IGF2BP2: variants seen among roughly 807,000 people sequenced by gnomAD.
IGF2BP2 encodes insulin like growth factor 2 mRNA binding protein 2.
Under a neutral mutation model 75.8 loss-of-function variants are expected in IGF2BP2, and 17 were observed. The ratio of observed to expected loss-of-function variants is 0.22; its 90% CI spans 0.15 to 0.34. The LOEUF (loss-of-function observed/expected upper bound fraction) is 0.34. IGF2BP2 is among the 10% of genes least tolerant of loss of function. The probability of loss-of-function intolerance (pLI) is 1.00; values close to 1 mark genes in which losing one functional copy is unlikely to be tolerated. For missense variants in IGF2BP2, 516 were observed against 772.4 expected (o/e 0.67, Z 3.93); for synonymous variants, 288 against 295.6 (o/e 0.97, Z 0.26).
chr3:185,805,803 C>G (rs561316953), intron 2 of IGF2BP2, among the ~76,000 whole-genome samples: 14 of 147,986 alleles, frequency 9.5e-5, no homozygotes, highest in Admixed American at 4.7e-4. Context: ...CGGAGCTTCA[C>G]TCTTGTCACC....
chr3:185,704,954 T>G (rs1723809313), intron 2 of IGF2BP2, among the ~76,000 whole-genome samples: 1 of 152,356 alleles, frequency 6.6e-6, no homozygotes, highest in African/African-American at 2.4e-5. Context: ...AAATAAACTG[T>G]TGAAAATGAA....
intron 2 of IGF2BP2, among the ~76,000 whole-genome samples, chr3:185,818,915 A>G (rs1740965342): frequency 6.6e-6 from 1 of 152,168 alleles, no homozygotes; most frequent in South Asian, 2.1e-4. Context: ...AAAAAACACA[A>G]AAACCATGTG....
intron 3 of IGF2BP2, among the ~76,000 whole-genome samples, chr3:185,696,995 C>T (rs1187321135): frequency 6.6e-6 from 1 of 152,238 alleles, no homozygotes; most frequent in Non-Finnish European, 1.5e-5. Flanking sequence ...ACAAGACTCA[C>T]TCCACTTTCT....
intron 2 of IGF2BP2, among the ~76,000 whole-genome samples, chr3:185,807,776 T>C (rs960411095): frequency 2.0e-5 from 3 of 152,244 alleles, no homozygotes; most frequent in South Asian, 2.1e-4. Flanking sequence ...GGGAAGACTA[T>C]TGTCATGCTG....
chr3:185,751,597 A>T (rs1222104214), intron 2 of IGF2BP2, among the ~76,000 whole-genome samples: 1 of 151,444 alleles, frequency 6.6e-6, no homozygotes, highest in Non-Finnish European at 1.5e-5. Context: ...GTAAGCCAAG[A>T]TCACGCCATC....
intron 12 of IGF2BP2, 32 bp from the exon 13 acceptor site, chr3:185,652,200 C>T: frequency 1.9e-6 from 3 of 1,572,534 alleles, no homozygotes; most frequent in Non-Finnish European, 2.6e-6. Context: ...AACGCTGATG[C>T]TCGGCTGCAT....
At chr3:185,803,781 A>C (rs1738599421) in intron 2 of IGF2BP2, among the ~76,000 whole-genome samples, 1 of 152,236 alleles carries the variant, frequency 6.6e-6, no homozygotes, top group Non-Finnish European at 1.5e-5. Context: ...GTACTCATTC[A>C]ACAAAGGAAT....
chr3:185,690,869 C>T (rs978181681), intron 5 of IGF2BP2, among the ~76,000 whole-genome samples: 1 of 152,170 alleles, frequency 6.6e-6, no homozygotes, highest in Non-Finnish European at 1.5e-5. Context: ...ATCCTTTTCA[C>T]ATATTTTTAG....
intron 1 of IGF2BP2, among the ~76,000 whole-genome samples, chr3:185,823,890 TCTC>T (rs1460087691): frequency 6.6e-6 from 1 of 150,788 alleles, no homozygotes; most frequent in East Asian, 2.0e-4. Flanking sequence ...TCGCTCTCCG[TCTC>T]CTGTCTGGGC....
intron 7 of IGF2BP2, among the ~76,000 whole-genome samples, chr3:185,682,401 C>G (rs1720516522): frequency 6.6e-6 from 1 of 152,182 alleles, no homozygotes; most frequent in Admixed American, 6.6e-5. Flanking sequence ...CTCAGGCCTT[C>G]CACCATAGGA....
At chr3:185,818,900 C>G (rs536671602) in intron 2 of IGF2BP2, among the ~76,000 whole-genome samples, 1 of 152,044 alleles carries the variant, frequency 6.6e-6, no homozygotes, top group Non-Finnish European at 1.5e-5. Flanking sequence ...AACCTCCACA[C>G]ATTAAAAAAA....
intron 2 of IGF2BP2, among the ~76,000 whole-genome samples, chr3:185,726,880 G>C (rs1297724080): frequency 3.3e-5 from 5 of 152,134 alleles, no homozygotes; most frequent in Non-Finnish European, 2.9e-5. Flanking sequence ...CAAGGGGGTT[G>C]TGGGAAAAAA....
intron 2 of IGF2BP2, among the ~76,000 whole-genome samples, chr3:185,782,754 C>A (rs1241449701): frequency 6.6e-6 from 1 of 152,116 alleles, no homozygotes; most frequent in African/African-American, 2.4e-5. Flanking sequence ...AAGCATGAAA[C>A]TCACAGGGTA....
chr3:185,674,722 A>C (rs774060146), intron 9 of IGF2BP2, among the ~76,000 whole-genome samples: 1 of 152,178 alleles, frequency 6.6e-6, no homozygotes, highest in Non-Finnish European at 1.5e-5. Flanking sequence ...TACATGGAAA[A>C]AATCCCACTT....
chr3:185,765,595 G>A (rs1038495695), intron 2 of IGF2BP2, among the ~76,000 whole-genome samples: 5 of 152,154 alleles, frequency 3.3e-5, no homozygotes, highest in Admixed American at 6.5e-5. Flanking sequence ...AGGGAAAAGA[G>A]GAGAATTGAG....
At chr3:185,816,301 G>C (rs1740597870) in intron 2 of IGF2BP2, among the ~76,000 whole-genome samples, 1 of 152,170 alleles carries the variant, frequency 6.6e-6, no homozygotes, top group Non-Finnish European at 1.5e-5. Flanking sequence ...ACCTGCTTAG[G>C]TATATTCCCC....
chr3:185,727,391 T>C (rs1240284027), intron 2 of IGF2BP2, among the ~76,000 whole-genome samples: 1 of 152,078 alleles, frequency 6.6e-6, no homozygotes, highest in Non-Finnish European at 1.5e-5. Context: ...GCCTCCTCAC[T>C]TGGGGCAGAC....
chr3:185,730,036 T>C (rs75223939), intron 2 of IGF2BP2, among the ~76,000 whole-genome samples: 2,994 of 152,316 alleles, frequency 0.02, 87 homozygotes, highest in African/African-American at 0.068. Context: ...GTGGATATAC[T>C]GCATAATGAA....
At chr3:185,751,359 C>A (rs1052169812) in intron 2 of IGF2BP2, among the ~76,000 whole-genome samples, 1 of 151,906 alleles carries the variant, frequency 6.6e-6, no homozygotes, top group African/African-American at 2.4e-5. Context: ...AGGCAGATCA[C>A]CTGAGGTCGG....
Sources: gnomAD v4.1 joint callset for allele counts (sites outside exome capture counted in the v4.1 genomes callset) on GRCh38, gnomAD v4.1.1 for gene constraint, MANE v1.5 for transcripts, NCBI Gene and HGNC (gene_info 2026-07-23, HGNC 2026-07-21) for gene names.